Variants in SLC35F3 observed in about 807,000 individuals in gnomAD.
The protein encoded by SLC35F3 is solute carrier family 35 member F3.
A neutral mutation model predicts 49.9 loss-of-function variants in SLC35F3; 25 were observed. That is an observed-to-expected ratio of 0.50 (90% CI 0.37 to 0.70). The LOEUF (loss-of-function observed/expected upper bound fraction) is 0.70, where lower values mean the gene tolerates loss of function less well. SLC35F3 is among the 30% of genes least tolerant of loss of function. The probability of loss-of-function intolerance (pLI) is 0.00; values close to 1 mark genes in which losing one functional copy is unlikely to be tolerated. For synonymous variants in SLC35F3, 275 were observed against 265.4 expected, an observed-to-expected ratio of 1.04 and a Z score of -0.35; for missense variants, 525 against 639.8, an observed-to-expected ratio of 0.82 and a Z score of 1.94.
At chr1:233,928,165 G>A (rs190628074) in intron 2 of SLC35F3, among the ~76,000 whole-genome samples, 1 of 151,988 alleles carries the variant, frequency 6.6e-6, no homozygotes, top group Non-Finnish European at 1.5e-5. Flanking sequence ...ATAAACAATG[G>A]GCAGCAGTAA....
chr1:234,032,132 C>T (rs945484709), intron 2 of SLC35F3, among the ~76,000 whole-genome samples: 1 of 151,974 alleles, frequency 6.6e-6, no homozygotes, highest in Admixed American at 6.6e-5. Flanking sequence ...CTATTGACTT[C>T]GTACTATAAA....
At chr1:234,029,249 G>T (rs528488959) in intron 2 of SLC35F3, among the ~76,000 whole-genome samples, 6 of 152,248 alleles carry the variant, frequency 3.9e-5, no homozygotes, top group African/African-American at 1.4e-4. Flanking sequence ...TAGACACCGG[G>T]TCTTGTGGCT....
rs111244260 is a variant in SLC35F3, at chr1:233,927,135, C to T, written c.283+21377C>T. On this transcript the variant is annotated intron_variant, in intron 2 of 7. Transcript: ENST00000366618. The stretch of plus-strand genomic sequence containing the variant: ...ATAACATTGTATTGTCTAGCTGTAT[C>T]ACAGTTTATTCATCCATTTACCACT... Among the ~76,000 whole-genome samples, 44 of 152,286 alleles carry T rather than the reference C, an allele frequency of 2.9e-4. 1 individual carries two copies. The highest frequency in any genetic ancestry group is 1.1e-3 in the African/African-American group (44 of 41,550).
intron 2 of SLC35F3, among the ~76,000 whole-genome samples, chr1:234,211,099 C>A (rs1392111977): frequency 6.6e-6 from 1 of 152,238 alleles, no homozygotes; most frequent in African/African-American, 2.4e-5. Flanking sequence ...AACCCCAAGC[C>A]TTGGCAATTT....
At chr1:234,023,795 G>A (rs1000463416) in intron 2 of SLC35F3, among the ~76,000 whole-genome samples, 2 of 150,858 alleles carry the variant, frequency 1.3e-5, no homozygotes, top group South Asian at 2.1e-4. Flanking sequence ...TCTTCCCCGA[G>A]CCCAATAACG....
intron 2 of SLC35F3, among the ~76,000 whole-genome samples, chr1:234,045,534 G>C (rs1469013210): frequency 6.6e-6 from 1 of 152,148 alleles, no homozygotes; most frequent in Non-Finnish European, 1.5e-5. Flanking sequence ...ACACAGCTAT[G>C]AAGTGCAAGA....
intron 2 of SLC35F3, among the ~76,000 whole-genome samples, chr1:234,184,877 C>G (rs902377659): frequency 2.6e-5 from 4 of 152,180 alleles, no homozygotes; most frequent in African/African-American, 7.2e-5. Context: ...TACCTGACAG[C>G]TTATTAGAAA....
intron 2 of SLC35F3, among the ~76,000 whole-genome samples, chr1:234,084,524 C>T (rs940972392): frequency 3.3e-5 from 5 of 152,068 alleles, no homozygotes; most frequent in African/African-American, 4.8e-5. Context: ...CATATATATG[C>T]ATATATTTTA....
intron 2 of SLC35F3, among the ~76,000 whole-genome samples, chr1:234,171,985 A>G (rs1487570540): frequency 6.6e-6 from 1 of 152,026 alleles, no homozygotes; most frequent in African/African-American, 2.4e-5. Context: ...AACCCCAGAA[A>G]CTGATGACTG....
chr1:234,253,490 C>CT (rs1307486466), intron 3 of SLC35F3, among the ~76,000 whole-genome samples: 1 of 150,944 alleles, frequency 6.6e-6, no homozygotes, highest in Non-Finnish European at 1.5e-5. Context: ...ATTTGTATGG[C>CT]TTGAATATTC....
At position 234,214,772 on chromosome 1, in the gene SLC35F3, G is replaced by A; in HGVS notation, c.284-16645G>A. 1.6e-6 allele frequency: 1 copy of A among 642,490 alleles called. No homozygotes were observed. The highest frequency in any genetic ancestry group is 2.4e-6 in the Non-Finnish European group (1 of 421,682). The allele number at this position is 642,490 out of a possible 1,614,324, so 39.8% of individuals were successfully genotyped here. A position where few individuals can be genotyped will look rare whatever the true frequency, so the allele number is the denominator to read the frequency against. On this transcript the variant is annotated intron_variant, in intron 2 of 7. Coordinates refer to ENST00000366618, the MANE Select transcript of SLC35F3 (RefSeq NM_173508.4). This position sits in a 1 kb window ranked among gnomAD's most constrained non-coding sequence, Gnocchi z 8.0. ...GGGGCTGCCCTGAGCTCCCTGGCGA[G>A]CAGGAGTGAGCTGCTGCGGCGAGTG...
chr1:234,143,290 T>TTTCTTTTC (rs1359280079), intron 2 of SLC35F3, among the ~76,000 whole-genome samples: 7 of 113,334 alleles, frequency 6.2e-5, no homozygotes, highest in South Asian at 2.6e-4. Context: ...TTTCTTTTCT[T>TTTCTTTTC]TTTTTTTTTT....
chr1:234,004,741 A>G (rs1393981737), intron 2 of SLC35F3, among the ~76,000 whole-genome samples: 1 of 152,160 alleles, frequency 6.6e-6, no homozygotes, highest in Non-Finnish European at 1.5e-5. Context: ...TTCTGAAGGG[A>G]AAATAGCTTT....
chr1:234,302,073 C>T (rs773222122), intron 3 of SLC35F3, among the ~76,000 whole-genome samples: 3 of 151,872 alleles, frequency 2.0e-5, no homozygotes, highest in Non-Finnish European at 4.4e-5. Context: ...ACTGAGAGGA[C>T]GGGTCAATAG....
chr1:234,144,538 T>C (rs529166601), intron 2 of SLC35F3, among the ~76,000 whole-genome samples: 2 of 152,246 alleles, frequency 1.3e-5, no homozygotes, highest in East Asian at 1.9e-4. Context: ...TAGGTGAGTA[T>C]TTATGGTCTA....
chr1:234,227,363 G>A (rs1035051449), intron 2 of SLC35F3, among the ~76,000 whole-genome samples: 1 of 150,528 alleles, frequency 6.6e-6, no homozygotes, highest in African/African-American at 2.4e-5. Flanking sequence ...TTTTGGCATC[G>A]ATTTCCTTGA....
In SLC35F3 at chr1:234,005,502, A is replaced by G. The variant is rs116676862; in HGVS notation, c.283+99744A>G. Among the ~76,000 whole-genome samples, 272 of 152,278 alleles carry G rather than the reference A, an allele frequency of 1.8e-3. 2 individuals carry two copies. The highest frequency in any genetic ancestry group is 6.1e-3 in the African/African-American group (252 of 41,556). On this transcript the variant is annotated intron_variant, in intron 2 of 7. Coordinates refer to ENST00000366618, the MANE Select transcript of SLC35F3 (RefSeq NM_173508.4). Reference sequence around the variant, plus strand: ...ATGAAAATAAACCTCCACTAAAGCAATGGAGGCTGCTGCTGCTGCTGACGA... The same window carrying G: ...ATGAAAATAAACCTCCACTAAAGCAGTGGAGGCTGCTGCTGCTGCTGACGA...
At chr1:233,940,705 A>C (rs1426799824) in intron 2 of SLC35F3, among the ~76,000 whole-genome samples, 1 of 152,182 alleles carries the variant, frequency 6.6e-6, no homozygotes, top group Non-Finnish European at 1.5e-5. Flanking sequence ...CATTTATTTA[A>C]GTCTTTCCCT....
intron 3 of SLC35F3, among the ~76,000 whole-genome samples, chr1:234,251,596 C>T (rs1193540043): frequency 6.6e-6 from 1 of 152,072 alleles, no homozygotes; most frequent in Non-Finnish European, 1.5e-5. Flanking sequence ...GTCCATCCTT[C>T]CTATGTTAAT....
Sources: gnomAD v4.1 joint callset for allele counts (sites outside exome capture counted in the v4.1 genomes callset) on GRCh38, gnomAD v4.1.1 for gene constraint, Gnocchi (gnomAD v3.1) non-coding constraint, MANE v1.5 for transcripts, NCBI Gene and HGNC (gene_info 2026-07-23, HGNC 2026-07-21) for gene names.